The following ZBTB41 variants were observed in gnomAD, a reference collection of about 807,000 sequenced individuals.
ZBTB41 encodes the protein zinc finger and BTB domain containing 41.
In ZBTB41, 42 loss-of-function variants were observed where a neutral mutation model predicts 87.6. The ratio of observed to expected loss-of-function variants is 0.48; its 90% CI spans 0.37 to 0.62. The LOEUF (loss-of-function observed/expected upper bound fraction) is 0.62, where lower values mean the gene tolerates loss of function less well. Ranked by LOEUF, ZBTB41 falls within the 20% of genes least tolerant of loss-of-function variation. The probability of loss-of-function intolerance (pLI) is 0.00; values close to 1 mark genes in which losing one functional copy is unlikely to be tolerated. For missense variants in ZBTB41, 799 were observed against 1,078.9 expected, an observed-to-expected ratio of 0.74 and a Z score of 3.63; for synonymous variants, 364 against 364.0, an observed-to-expected ratio of 1.00 and a Z score of 0.00.
intron 10 of ZBTB41, among the ~76,000 whole-genome samples, chr1:197,161,307 A>C (rs1659193843): frequency 1.3e-5 from 2 of 152,180 alleles, no homozygotes; most frequent in African/African-American, 4.8e-5. Context: ...TTTAAAGCCA[A>C]ATTAGAAAAT....
rs773197201 is a variant in ZBTB41 at position 197,178,510 on chromosome 1, G to C, written c.1679C>G (p.Thr560Ser). Reference sequence around the variant, plus strand: ...GATTCTCAAATGTTCTTTCAAAGTAGTTCTGCATTAAAATATATAGATTCG... The same window carrying C: ...GATTCTCAAATGTTCTTTCAAAGTACTTCTGCATTAAAATATATAGATTCG... ...FICGKSVRERTTLKEHLRIHS... is the reference protein window; with the variant it reads ...FICGKSVRERSTLKEHLRIHS... The change falls in exon 7 of 11, where the codon ACT becomes AGT. Residue 560 changes from threonine (T) to serine (S), a missense_variant and splice_region_variant. This residue lies in a region of ZBTB41 where 198 missense variants were observed against 358.4 expected (regional missense o/e 0.55). Coordinates refer to ENST00000367405, the MANE Select transcript of ZBTB41 (RefSeq NM_194314.3). 2.5e-6 allele frequency: 4 copies of C among 1,600,444 alleles called. No homozygotes were observed. In the South Asian group the frequency reaches 4.5e-5, roughly 18 times the overall value.
Position 197,181,089 on chromosome 1 carries a change from G to T in ZBTB41, c.1575C>A (p.Arg525=). The change falls in exon 6 of 11, where the codon CGC becomes CGA. Residue 525 remains arginine, a synonymous_variant. Transcript: ENST00000367405. The stretch of plus-strand genomic sequence containing the variant: ...TCAAATTTCCAGTGTCGTTAAACTG[G>T]CGACCACATATATCACATGGAAAAG... ...LGPFPCDICG[R]QFNDTGNLKR... 1 of 1,599,606 alleles carries T rather than the reference G, an allele frequency of 6.3e-7. No homozygotes were observed. The highest frequency in any genetic ancestry group is 8.5e-7 in the Non-Finnish European group (1 of 1,176,394).
At chr1:197,167,940 G>A (rs1047169465) in intron 10 of ZBTB41, among the ~76,000 whole-genome samples, 2 of 152,084 alleles carry the variant, frequency 1.3e-5, no homozygotes, top group South Asian at 2.1e-4. Flanking sequence ...GAGAGAGAGA[G>A]TGTGTGTTAT....
chr1:197,187,101 G>A lies in ZBTB41; in HGVS notation c.1546+1191C>T, dbSNP rs139317532. 2.8e-3 allele frequency among the ~76,000 whole-genome samples: 424 copies of A among 152,278 alleles called. 3 individuals are homozygous for A. The highest frequency in any genetic ancestry group is 0.01 in the Middle Eastern group (3 of 294). ...AACATGAAGTGACAGACATTCTCAT[G>A]GGAATGTAAAATGATACAACTACTT... On this transcript the variant is annotated intron_variant, in intron 5 of 10. Transcript: ENST00000367405.
intron 4 of ZBTB41, among the ~76,000 whole-genome samples, chr1:197,190,246 CCCAGA>C (rs1243892018): frequency 3.9e-5 from 6 of 152,142 alleles, no homozygotes; most frequent in Non-Finnish European, 7.4e-5. Context: ...TGGAAGTGTT[CCCAGA>C]CCAGACCAGA....
intron 10 of ZBTB41, among the ~76,000 whole-genome samples, chr1:197,171,529 G>A (rs1358758503): frequency 2.0e-5 from 3 of 152,044 alleles, no homozygotes; most frequent in Non-Finnish European, 4.4e-5. Flanking sequence ...TAATTTATAT[G>A]TAAAGGCAAA....
intron 8 of ZBTB41, 145 bp from the exon 9 acceptor site, chr1:197,175,260 T>C: frequency 1.8e-6 from 1 of 559,472 alleles, no homozygotes; most frequent in Non-Finnish European, 3.0e-6. Flanking sequence ...ATTTGCTTTA[T>C]ATTCCTTACT....
At chr1:197,169,566 G>T (rs1457083718) in intron 10 of ZBTB41, among the ~76,000 whole-genome samples, 6 of 151,958 alleles carry the variant, frequency 3.9e-5, no homozygotes, top group Non-Finnish European at 5.9e-5. Context: ...GTTACTGACT[G>T]GGAGGAGCCA....
intron 4 of ZBTB41, among the ~76,000 whole-genome samples, chr1:197,190,462 C>T (rs769735561): frequency 2.0e-5 from 3 of 152,168 alleles, no homozygotes; most frequent in African/African-American, 4.8e-5. Context: ...GGGAGAAAGT[C>T]TAACATTTTA....
intron 9 of ZBTB41, among the ~76,000 whole-genome samples, chr1:197,173,798 T>C (rs769593695): frequency 6.6e-5 from 10 of 152,066 alleles, no homozygotes; most frequent in Non-Finnish European, 1.3e-4. Flanking sequence ...CATGGGCACA[T>C]AGAGAAAGAG....
intron 2 of ZBTB41, among the ~76,000 whole-genome samples, chr1:197,194,858 G>C (rs757504599): frequency 3.9e-5 from 6 of 152,150 alleles, no homozygotes; most frequent in South Asian, 2.1e-4. Flanking sequence ...TTCTGAACAA[G>C]AACAGGAGAG....
intron 10 of ZBTB41, among the ~76,000 whole-genome samples, chr1:197,171,275 T>A (rs1488420740): frequency 3.9e-5 from 6 of 152,138 alleles, no homozygotes; most frequent in South Asian, 2.1e-4. Context: ...TGCCTTTTTT[T>A]ATTTGGAGAG....
At position 197,184,962 on chromosome 1, in the gene ZBTB41, C is replaced by A. The variant is rs540474342; in HGVS notation, c.1546+3330G>T. ...CCTGAGTAGCTGGGATTACAGGCGT[C>A]CGCCACCACGCCCAGCTAATTTTGT... On this transcript the variant is annotated intron_variant, in intron 5 of 10. Transcript: ENST00000367405. Among the ~76,000 whole-genome samples the A allele has an allele frequency of 2.7e-4, 41 of 152,092 alleles. No homozygotes were observed. In the East Asian group the frequency reaches 7.6e-3, roughly 28 times the overall value.
At position 197,191,603 on chromosome 1, in the gene ZBTB41, G is replaced by C. The variant is rs1469537776; in HGVS notation, c.1328+89C>G. 7 of 1,039,686 alleles carry C rather than the reference G, an allele frequency of 6.7e-6. No individual in the cohort carries two copies. The Admixed American group carries it at 1.5e-4, about 23-fold the overall frequency. 64.4% of individuals were successfully genotyped at this position (1,039,686 alleles called of 1,614,324 possible). ...ATGAATCTCCAATGAAAGAATTGGA[G>C]ATAAGCACTTTATAGATGTTTTTAG... On this transcript the variant is annotated intron_variant, in intron 3 of 10. Coordinates refer to ENST00000367405, the MANE Select transcript of ZBTB41 (RefSeq NM_194314.3).
At chr1:197,165,460 A>C (rs1659314877) in intron 10 of ZBTB41, among the ~76,000 whole-genome samples, 1 of 151,924 alleles carries the variant, frequency 6.6e-6, no homozygotes, top group Non-Finnish European at 1.5e-5. Context: ...ATGCAAAAAA[A>C]TTAGCCGGGC....
intron 10 of ZBTB41, among the ~76,000 whole-genome samples, chr1:197,160,464 C>G (rs1254219320): frequency 6.6e-6 from 1 of 152,120 alleles, no homozygotes; most frequent in African/African-American, 2.4e-5. Flanking sequence ...TTTTCTCCCC[C>G]ACGCAAGGAG....
intron 10 of ZBTB41, among the ~76,000 whole-genome samples, chr1:197,166,397 A>T (rs1379435965): frequency 6.6e-6 from 1 of 152,206 alleles, no homozygotes; most frequent in East Asian, 1.9e-4. Context: ...AGACACTATC[A>T]TCACTAAAAA....
In ZBTB41 at chr1:197,199,704, C is replaced by T. The variant is rs1324139304; in HGVS notation, c.770G>A (p.Arg257Gln). The change falls in exon 2 of 11, where the codon CGG (arginine) becomes CAG (glutamine). Residue 257 changes from arginine to glutamine, a missense_variant. By Grantham distance (43) the Arg-to-Gln change is conservative. Transcript: ENST00000367405. ...GTCATCAAACTTAACAGGGCACTTC[C>T]GATTCCTTTTTGATCTTCTTGCGGA... ...SFSARRSKRN[R>Q]KCPVKFDDTS... The T allele has an allele frequency of 1.2e-6, 2 of 1,613,592 alleles. No homozygotes were observed. The highest frequency in any genetic ancestry group is 1.3e-5 in the African/African-American group (1 of 75,002).
chr1:197,164,514 T>C (rs1301006326), intron 10 of ZBTB41, among the ~76,000 whole-genome samples: 1 of 151,172 alleles, frequency 6.6e-6, no homozygotes, highest in Admixed American at 6.6e-5. Context: ...ATATCATAAA[T>C]ATAAGTCCAA....
Sources: gnomAD v4.1 joint callset for allele counts (sites outside exome capture counted in the v4.1 genomes callset) on GRCh38, gnomAD v4.1.1 for gene constraint, gnomAD v4.1.1 regional missense constraint, MANE v1.5 for transcripts, NCBI Gene and HGNC (gene_info 2026-07-23, HGNC 2026-07-21) for gene names.